The following NRXN3 variants were observed in gnomAD, a reference collection of about 807,000 sequenced individuals.
NRXN3 encodes the protein neurexin 3.
Under a neutral mutation model 137.6 loss-of-function variants are expected in NRXN3, and 32 were observed. That is an observed-to-expected ratio of 0.23 (90% CI 0.18 to 0.31). The LOEUF (loss-of-function observed/expected upper bound fraction) is 0.31. Among genes scored for constraint, NRXN3 ranks in the 10% least tolerant of loss-of-function variants. The pLI is 1.00. For missense variants in NRXN3, 1,574 were observed against 2,062.5 expected, an observed-to-expected ratio of 0.76 and a Z score of 4.59; for synonymous variants, 798 against 784.5, an observed-to-expected ratio of 1.02 and a Z score of -0.29.
chr14:79,483,822 G>A (rs139674620), intron 16 of NRXN3, among the ~76,000 whole-genome samples: 76 of 152,118 alleles, frequency 5.0e-4, no homozygotes, highest in Non-Finnish European at 9.6e-4. Flanking sequence ...CCTAAACAGA[G>A]CAACACTGTT....
intron 1 of NRXN3, among the ~76,000 whole-genome samples, chr14:78,218,727 T>A (rs2063536710): frequency 6.6e-6 from 1 of 152,212 alleles, no homozygotes; most frequent in Non-Finnish European, 1.5e-5. Context: ...TTTCTTACCT[T>A]TGGGATTGGA....
intron 2 of NRXN3, among the ~76,000 whole-genome samples, chr14:78,250,867 G>A (rs542849481): frequency 3.9e-5 from 6 of 152,142 alleles, no homozygotes; most frequent in Non-Finnish European, 7.4e-5. Context: ...CCCTGGATGC[G>A]GATGATAAGC....
At chr14:78,228,174 T>TC (rs1596136930) in intron 1 of NRXN3, among the ~76,000 whole-genome samples, 1 of 150,836 alleles carries the variant, frequency 6.6e-6, no homozygotes, top group South Asian at 2.1e-4. Context: ...TTTTTTTTTT[T>TC]TGAGACAGAG....
At position 78,417,594 on chromosome 14, in the gene NRXN3, C is replaced by A. The variant is rs963093099; in HGVS notation, c.757+119734C>A. On this transcript the variant is annotated intron_variant, in intron 4 of 20. Coordinates refer to ENST00000335750, the MANE Select transcript of NRXN3 (RefSeq NM_001330195.2). ...ATATGGGTATCCCAAGAAACCAGCA[C>A]AATAACTGGTTGGCCCAGAGGAGAT... is the stretch of plus-strand genomic sequence containing the variant. Among the ~76,000 whole-genome samples, 6 of 152,302 alleles carry A rather than the reference C, an allele frequency of 3.9e-5. No homozygotes were observed. In the East Asian group the frequency reaches 1.2e-3, roughly 29 times the overall value.
chr14:79,826,994 C>T (rs78665729), intron 20 of NRXN3, among the ~76,000 whole-genome samples: 3,978 of 152,008 alleles, frequency 0.026, 72 homozygotes, highest in African/African-American at 0.037. Flanking sequence ...TTAGAGAGCA[C>T]GGATATAATA....
intron 20 of NRXN3, among the ~76,000 whole-genome samples, chr14:79,834,007 A>T (rs1168773558): frequency 6.6e-6 from 1 of 152,152 alleles, no homozygotes; most frequent in East Asian, 1.9e-4. Flanking sequence ...CCAGGAAAAT[A>T]TACATGAAAG....
intron 10 of NRXN3, among the ~76,000 whole-genome samples, chr14:78,871,421 A>G (rs1283941698): frequency 2.0e-5 from 3 of 152,134 alleles, no homozygotes; most frequent in Non-Finnish European, 4.4e-5. Flanking sequence ...AAAAAATTAC[A>G]TGATATGAAA....
intron 16 of NRXN3, among the ~76,000 whole-genome samples, chr14:79,627,407 T>A (rs1181946937): frequency 6.6e-6 from 1 of 151,954 alleles, no homozygotes; most frequent in Non-Finnish European, 1.5e-5. Flanking sequence ...TTGGCTTCAT[T>A]GAGATCCTCA....
intron 16 of NRXN3, among the ~76,000 whole-genome samples, chr14:79,629,953 G>A (rs1050452981): frequency 6.6e-6 from 1 of 151,958 alleles, no homozygotes; most frequent in African/African-American, 2.4e-5. Context: ...AAGAGTAAGG[G>A]GGTAGTTAAT....
At position 79,307,004 on chromosome 14, in the gene NRXN3, G is replaced by C. The variant is rs1445701619; in HGVS notation, c.3263-160217G>C. ...AAGGGTCATTCGAGAAGGGATAGTGGGGGCCACTCCTTCTACTTCCAGGAA... is the reference window on the plus strand; with the variant it reads ...AAGGGTCATTCGAGAAGGGATAGTGCGGGCCACTCCTTCTACTTCCAGGAA... On this transcript the variant is annotated intron_variant, in intron 15 of 20. Coordinates refer to ENST00000335750, the MANE Select transcript of NRXN3 (RefSeq NM_001330195.2). 7.2e-5 allele frequency among the ~76,000 whole-genome samples: 11 copies of C among 152,156 alleles called. No individual in the cohort carries two copies. In the East Asian group the frequency reaches 1.7e-3, roughly 24 times the overall value.
In NRXN3 at chr14:79,243,148, C is replaced by G. The variant is rs541926762; in HGVS notation, c.3263-224073C>G. ...AACATTTATTATGACTTCCCATGTACTGGGTACTATATAGATATGCGAGAT... is the reference window on the plus strand; with the variant it reads ...AACATTTATTATGACTTCCCATGTAGTGGGTACTATATAGATATGCGAGAT... On this transcript the variant is annotated intron_variant, in intron 15 of 20. Coordinates refer to ENST00000335750, the MANE Select transcript of NRXN3 (RefSeq NM_001330195.2). Among the ~76,000 whole-genome samples the G allele has an allele frequency of 4.1e-4, 62 of 152,196 alleles. 1 individual carries two copies. In the South Asian group the frequency reaches 0.011, roughly 27 times the overall value.
At chr14:79,520,670 T>C (rs2097055498) in intron 16 of NRXN3, among the ~76,000 whole-genome samples, 1 of 152,204 alleles carries the variant, frequency 6.6e-6, no homozygotes, top group African/African-American at 2.4e-5. Flanking sequence ...GTGCCACATT[T>C]TCTTTATCAC....
intron 4 of NRXN3, among the ~76,000 whole-genome samples, chr14:78,444,149 C>T (rs1405337552): frequency 6.6e-6 from 1 of 152,204 alleles, no homozygotes; most frequent in East Asian, 1.9e-4. Context: ...GGGAAATAAA[C>T]CAACATTTAT....
chr14:79,396,320 T>C (rs1051765849), intron 15 of NRXN3, among the ~76,000 whole-genome samples: 2 of 152,022 alleles, frequency 1.3e-5, no homozygotes, highest in African/African-American at 2.4e-5. Context: ...TATCTACATA[T>C]ATTTTACTAA....
chr14:78,384,824 C>A (rs1010863876), intron 4 of NRXN3, among the ~76,000 whole-genome samples: 1 of 152,192 alleles, frequency 6.6e-6, no homozygotes, highest in African/African-American at 2.4e-5. Context: ...TTCGGTGATT[C>A]CATAACTCTA....
chr14:79,579,367 T>TATATATAA (rs1567561063), intron 16 of NRXN3, among the ~76,000 whole-genome samples: 1 of 142,304 alleles, frequency 7.0e-6, no homozygotes, highest in African/African-American at 2.6e-5. Flanking sequence ...TATATATATA[T>TATATATAA]AATATATATA....
chr14:78,481,305 T>C (rs1359270496), intron 4 of NRXN3, among the ~76,000 whole-genome samples: 3 of 152,204 alleles, frequency 2.0e-5, no homozygotes, highest in Non-Finnish European at 2.9e-5. Context: ...GACATTCTTA[T>C]CAAGTTAACT....
chr14:78,593,272 A>G (rs1400383776), intron 4 of NRXN3, among the ~76,000 whole-genome samples: 1 of 152,170 alleles, frequency 6.6e-6, no homozygotes, highest in African/African-American at 2.4e-5. Context: ...TAACATCTCT[A>G]GCTCTACCTG....
At chr14:78,569,276 T>C (rs555947862) in intron 4 of NRXN3, among the ~76,000 whole-genome samples, 2 of 144,056 alleles carry the variant, frequency 1.4e-5, no homozygotes, top group Non-Finnish European at 3.0e-5. Flanking sequence ...GCCTTTTCTT[T>C]ATTTTTTGAG....
Sources: allele counts gnomAD v4.1 joint callset (sites outside exome capture counted in the v4.1 genomes callset), GRCh38; gene constraint gnomAD v4.1.1; transcripts MANE v1.5; gene names NCBI Gene and HGNC (gene_info 2026-07-23, HGNC 2026-07-21).